Variants in MGMT observed in about 807,000 individuals in gnomAD.
MGMT encodes O-6-methylguanine-DNA methyltransferase, also known as methylated-DNA--protein-cysteine methyltransferase.
A neutral mutation model predicts 15.9 loss-of-function variants in MGMT; 14 were observed. The ratio of observed to expected loss-of-function variants is 0.88; its 90% confidence interval spans 0.58 to 1.37. MGMT has a LOEUF of 1.37. MGMT is among the 40% of genes most tolerant of loss of function. The pLI is 0.00. For missense variants in MGMT, 282 were observed against 268.1 expected (o/e 1.05, Z -0.36); for synonymous variants, 130 against 118.2 (o/e 1.10, Z -0.65).
intron 1 of MGMT, among the ~76,000 whole-genome samples, chr10:129,509,215 A>G (rs1845656524): frequency 6.6e-6 from 1 of 152,128 alleles, no homozygotes; most frequent in African/African-American, 2.4e-5. Context: ...CCTGGAATCT[A>G]TATTGCTTTA....
intron 1 of MGMT, among the ~76,000 whole-genome samples, chr10:129,523,469 T>C (rs998567942): frequency 6.6e-6 from 1 of 152,210 alleles, no homozygotes; most frequent in East Asian, 1.9e-4. Context: ...GGCATGAGAC[T>C]GTGCTGAGGT....
intron 4 of MGMT, among the ~76,000 whole-genome samples, chr10:129,759,996 GC>G (rs1437050856): frequency 1.3e-5 from 2 of 152,228 alleles, no homozygotes; most frequent in Non-Finnish European, 2.9e-5. Context: ...CCATGCGTCT[GC>G]AGTCAGATTT....
intron 2 of MGMT, among the ~76,000 whole-genome samples, chr10:129,706,824 T>C (rs61567403): frequency 0.022 from 3,413 of 152,142 alleles, 127 homozygotes; most frequent in African/African-American, 0.077. Context: ...CTGCTGGAGA[T>C]GGGGAATCCT....
intron 2 of MGMT, among the ~76,000 whole-genome samples, chr10:129,586,346 A>C (rs1846617660): frequency 6.6e-6 from 1 of 151,866 alleles, no homozygotes; most frequent in Non-Finnish European, 1.5e-5. Flanking sequence ...CCTCACCTCA[A>C]CCCGCTTTCC....
At chr10:129,502,865 A>C (rs945473258) in intron 1 of MGMT, among the ~76,000 whole-genome samples, 1 of 152,250 alleles carries the variant, frequency 6.6e-6, no homozygotes, top group African/African-American at 2.4e-5. Flanking sequence ...TTAGCGAGGC[A>C]GCTGTTAAAA....
At chr10:129,555,637 C>T (rs1177596051) in intron 2 of MGMT, among the ~76,000 whole-genome samples, 1 of 151,952 alleles carries the variant, frequency 6.6e-6, no homozygotes, top group Non-Finnish European at 1.5e-5. Flanking sequence ...ACCGCTTGAG[C>T]CCAGGAGTTC....
At chr10:129,499,119 C>T (rs1317705001) in intron 1 of MGMT, among the ~76,000 whole-genome samples, 1 of 152,174 alleles carries the variant, frequency 6.6e-6, no homozygotes, top group East Asian at 1.9e-4. Flanking sequence ...TAAAAAGAAT[C>T]TGGTAAAACC....
At chr10:129,559,591 T>C (rs1330980983) in intron 2 of MGMT, among the ~76,000 whole-genome samples, 2 of 151,842 alleles carry the variant, frequency 1.3e-5, no homozygotes. Flanking sequence ...GTAAGGTGAG[T>C]GGTTTTGGCA....
intron 2 of MGMT, among the ~76,000 whole-genome samples, chr10:129,578,250 A>G (rs1035560788): frequency 8.5e-5 from 13 of 152,364 alleles, no homozygotes; most frequent in African/African-American, 2.2e-4. Flanking sequence ...TTATTGCAGC[A>G]CTATTCACAA....
rs934490204 is a variant in MGMT, at chr10:129,532,884, G to C, written c.-12-3357G>C. Among the ~76,000 whole-genome samples the C allele has an allele frequency of 1.3e-5, 2 of 152,208 alleles. No individual in the cohort carries two copies. Among genetic ancestry groups the C allele is most frequent in the Admixed American group, 1.3e-4 (2 of 15,290 alleles). On this transcript the variant is annotated intron_variant, in intron 1 of 4. Coordinates refer to ENST00000651593, the MANE Select transcript of MGMT (RefSeq NM_002412.5). The surrounding 1 kb of genome is among the most constrained non-coding windows in gnomAD (Gnocchi z 5.3). ...CAGCCCCCACATGGGGCACTCCCCA[G>C]TCCGAATGTCTGCAGTGCAGCTTCA...
intron 1 of MGMT, among the ~76,000 whole-genome samples, chr10:129,514,948 C>T (rs1366099622): frequency 2.0e-5 from 3 of 152,220 alleles, no homozygotes; most frequent in African/African-American, 7.2e-5. Flanking sequence ...AGCATCAGGA[C>T]TGACAGAAGC....
At chr10:129,670,068 C>T (rs1847704815) in intron 2 of MGMT, among the ~76,000 whole-genome samples, 1 of 151,688 alleles carries the variant, frequency 6.6e-6, no homozygotes, top group African/African-American at 2.4e-5. Flanking sequence ...GGATATCCAG[C>T]TTCAGTTTCT....
intron 1 of MGMT, among the ~76,000 whole-genome samples, chr10:129,478,489 C>T (rs190099222): frequency 4.6e-4 from 70 of 152,324 alleles, no homozygotes; most frequent in African/African-American, 1.4e-3. Context: ...GATGGGGGGA[C>T]ATAGAAAAGG....
At chr10:129,724,689 G>A (rs1170548357) in intron 3 of MGMT, among the ~76,000 whole-genome samples, 1 of 152,254 alleles carries the variant, frequency 6.6e-6, no homozygotes, top group East Asian at 1.9e-4. Context: ...ATGGGGTGGA[G>A]AGATGGATAG....
chr10:129,719,802 CG>C (rs375284032), intron 3 of MGMT, among the ~76,000 whole-genome samples: 127 of 152,218 alleles, frequency 8.3e-4, no homozygotes, highest in South Asian at 1.2e-3. Flanking sequence ...ACACCCTTTC[CG>C]AGCCTCTGAT....
chr10:129,749,969 C>T (rs55991203), intron 3 of MGMT, among the ~76,000 whole-genome samples: 12,947 of 151,978 alleles, frequency 0.085, 798 homozygotes, highest in Non-Finnish European at 0.13. Context: ...GGTTGTTTGA[C>T]TTTTTTCTTG....
intron 4 of MGMT, among the ~76,000 whole-genome samples, chr10:129,760,325 C>G (rs961623557): frequency 1.7e-4 from 26 of 152,224 alleles, no homozygotes; most frequent in African/African-American, 5.8e-4. Flanking sequence ...AAGAATGCCC[C>G]TGGAATATTC....
chr10:129,507,110 TG>T (rs1218783078), intron 1 of MGMT, among the ~76,000 whole-genome samples: 2 of 152,064 alleles, frequency 1.3e-5, no homozygotes, highest in African/African-American at 4.8e-5. Flanking sequence ...TAGGTGAAAA[TG>T]TTCCTGCGAC....
intron 1 of MGMT, among the ~76,000 whole-genome samples, chr10:129,520,810 C>G (rs1845798790): frequency 6.7e-6 from 1 of 150,370 alleles, no homozygotes; most frequent in South Asian, 2.1e-4. Context: ...TGCAGAGCCC[C>G]TACGGTGCGG....
Sources: allele counts gnomAD v4.1 joint callset (sites outside exome capture counted in the v4.1 genomes callset), GRCh38; gene constraint gnomAD v4.1.1; non-coding constraint Gnocchi (gnomAD v3.1); transcripts MANE v1.5; gene names NCBI Gene and HGNC (gene_info 2026-07-23, HGNC 2026-07-21).